Variants in SORCS1 observed in about 807,000 individuals in gnomAD.
SORCS1 encodes VPS10 domain-containing receptor SorCS1.
SORCS1 carries 60 observed loss-of-function variants against 146.1 expected under a neutral mutation model. The observed-to-expected ratio is 0.41, with a 90% CI of 0.33 to 0.51. The LOEUF is 0.51. Ranked by LOEUF, SORCS1 falls within the 20% of genes least tolerant of loss-of-function variation. The pLI is 0.21. For synonymous variants in SORCS1, 637 were observed against 584.0 expected, an observed-to-expected ratio of 1.09 and a Z score of -1.31; for missense variants, 1,352 against 1,487.6, an observed-to-expected ratio of 0.91 and a Z score of 1.50.
At chr10:106,708,928 C>G (rs1854738515) in intron 7 of SORCS1, among the ~76,000 whole-genome samples, 1 of 152,156 alleles carries the variant, frequency 6.6e-6, no homozygotes, top group African/African-American at 2.4e-5. Flanking sequence ...TCGTACTGTG[C>G]ATCATCCTAG....
At chr10:107,151,593 C>G (rs1441697729) in intron 1 of SORCS1, among the ~76,000 whole-genome samples, 1 of 152,108 alleles carries the variant, frequency 6.6e-6, no homozygotes, top group East Asian at 1.9e-4. Context: ...CAGGAAAGAC[C>G]AACCCCCATG....
chr10:107,094,203 C>T (rs996585425), intron 1 of SORCS1, among the ~76,000 whole-genome samples: 1 of 151,950 alleles, frequency 6.6e-6, no homozygotes, highest in Non-Finnish European at 1.5e-5. Context: ...TTCCCTCCTA[C>T]ACCCCCAGCA....
At chr10:107,057,795 T>G (rs1960789005) in intron 1 of SORCS1, among the ~76,000 whole-genome samples, 1 of 152,210 alleles carries the variant, frequency 6.6e-6, no homozygotes, top group Admixed American at 6.5e-5. Flanking sequence ...TGGAAATATG[T>G]CCACGGACCT....
intron 5 of SORCS1, among the ~76,000 whole-genome samples, chr10:106,738,473 A>G (rs1359421125): frequency 6.6e-6 from 1 of 152,186 alleles, no homozygotes; most frequent in Non-Finnish European, 1.5e-5. Flanking sequence ...GTGAAAGCCT[A>G]GAAGAGTTGT....
rs1191296212 is a variant in SORCS1 at position 106,806,505 on chromosome 10, C to CTTTT, written c.726+23065_726+23068dup. 2.4e-3 allele frequency among the ~76,000 whole-genome samples: 166 copies of CTTTT among 70,430 alleles called. 40 individuals are homozygous for CTTTT. Among genetic ancestry groups the CTTTT allele is most frequent in the East Asian group, 3.9e-3 (8 of 2,034 alleles). The allele number at this position is 70,430 out of a possible 152,430, so 46.2% of individuals were successfully genotyped here. On this transcript the variant is annotated intron_variant, in intron 3 of 25. Coordinates refer to ENST00000263054, the MANE Select transcript of SORCS1 (RefSeq NM_052918.5). ...CAGCCCTTCTGATGAGAGAGGAAGC[C>CTTTT]TTTTTTTTTTTTTTTTTTTTTTTTT...
intron 2 of SORCS1, among the ~76,000 whole-genome samples, chr10:106,926,877 AG>A (rs746502603): frequency 0.33 from 49,607 of 149,092 alleles, 9,342 homozygotes; most frequent in South Asian, 0.41. Context: ...AGAGAGAGAG[AG>A]AGAGAGAGAG....
intron 18 of SORCS1, 66 bp from the exon 19 acceptor site, chr10:106,629,454 G>A: frequency 6.5e-7 from 1 of 1,544,676 alleles, no homozygotes; most frequent in South Asian, 1.2e-5. Context: ...AGGGGACTGG[G>A]GACTACGGCT....
chr10:106,824,859 C>T (rs1160397644), intron 3 of SORCS1, among the ~76,000 whole-genome samples: 4 of 152,112 alleles, frequency 2.6e-5, no homozygotes, highest in Admixed American at 2.6e-4. Context: ...AGAAGAGTCT[C>T]TCAGCAGGAA....
chr10:106,599,410 GGAAGGA>G (rs1175465829), intron 23 of SORCS1, among the ~76,000 whole-genome samples: 1 of 151,316 alleles, frequency 6.6e-6, no homozygotes. Flanking sequence ...GAAGGGGAGG[GGAAGGA>G]GAAGGAGAAG....
At chr10:107,094,175 G>T (rs1008029669) in intron 1 of SORCS1, among the ~76,000 whole-genome samples, 1 of 151,676 alleles carries the variant, frequency 6.6e-6, no homozygotes, top group African/African-American at 2.4e-5. Context: ...ATCTATGAAG[G>T]CAAACATTTT....
rs117919812 is a variant in SORCS1 at position 106,834,492 on chromosome 10, T to G, written c.627-4819A>C. ...TGATAGGATCCATTCTTGAGGGATA[T>G]CTAATGAGATTAGTGTTCTGAGCAA... On this transcript the variant is annotated intron_variant, in intron 2 of 25. Transcript: ENST00000263054. Among the ~76,000 whole-genome samples, 43 of 152,254 alleles carry G rather than the reference T, an allele frequency of 2.8e-4. No homozygotes were observed. In the East Asian group the frequency reaches 7.9e-3, roughly 28 times the overall value.
At chr10:106,926,858 CACACACACAG>C (rs1564818489) in intron 2 of SORCS1, among the ~76,000 whole-genome samples, 11 of 103,364 alleles carry the variant, frequency 1.1e-4, no homozygotes, top group African/African-American at 6.5e-4. Flanking sequence ...CACACACACA[CACACACACAG>C]AGAGAGAGAG....
chr10:107,177,794 A>G, the SORCS1 span, among the ~76,000 whole-genome samples: 1 of 152,256 alleles, frequency 6.6e-6, no homozygotes, highest in East Asian at 1.9e-4. Context: ...CAGATGGTAC[A>G]TATACACTGT....
intron 2 of SORCS1, among the ~76,000 whole-genome samples, chr10:106,850,441 G>A (rs949016998): frequency 6.6e-6 from 1 of 151,956 alleles, no homozygotes; most frequent in African/African-American, 2.4e-5. Context: ...GCCCTGCTTC[G>A]GCTCGCACAC....
intron 1 of SORCS1, among the ~76,000 whole-genome samples, chr10:106,987,627 G>A (rs990319994): frequency 5.3e-5 from 8 of 152,146 alleles, no homozygotes; most frequent in Non-Finnish European, 1.2e-4. Flanking sequence ...GCCTACTGAG[G>A]TTCTCCTCTT....
intron 1 of SORCS1, among the ~76,000 whole-genome samples, chr10:107,059,229 C>G (rs1313861793): frequency 1.3e-5 from 2 of 152,150 alleles, no homozygotes; most frequent in African/African-American, 2.4e-5. Flanking sequence ...CAAGGGACTT[C>G]ACTCCACAGA....
chr10:106,929,563 G>C (rs1180748677), intron 2 of SORCS1, among the ~76,000 whole-genome samples: 1 of 152,170 alleles, frequency 6.6e-6, no homozygotes, highest in African/African-American at 2.4e-5. Flanking sequence ...GTGCTAATCA[G>C]CTTCTGGAAA....
At chr10:106,643,348 T>C (rs983464125) in intron 18 of SORCS1, among the ~76,000 whole-genome samples, 51 of 152,198 alleles carry the variant, frequency 3.4e-4, no homozygotes, top group Non-Finnish European at 6.0e-4. Context: ...CTCCTCAGCT[T>C]TTCAGAGACA....
At chr10:107,109,175 C>A (rs997158912) in intron 1 of SORCS1, among the ~76,000 whole-genome samples, 8 of 152,192 alleles carry the variant, frequency 5.3e-5, no homozygotes, top group African/African-American at 1.9e-4. Flanking sequence ...TGGGTGGTAG[C>A]CCCCTTCTCA....
Sources: gnomAD v4.1 joint callset for allele counts (sites outside exome capture counted in the v4.1 genomes callset) on GRCh38, gnomAD v4.1.1 for gene constraint, MANE v1.5 for transcripts, NCBI Gene and HGNC (gene_info 2026-07-23, HGNC 2026-07-21) for gene names.